IL19: variants seen among roughly 807,000 people sequenced by gnomAD.
IL19 encodes interleukin-19.
IL19 carries 15 observed loss-of-function variants against 19.5 expected under a neutral mutation model. That is an observed-to-expected ratio of 0.77 (90% confidence interval 0.52 to 1.19). IL19 has a LOEUF of 1.19. Among genes scored for constraint, IL19 ranks in the 50% most tolerant of loss-of-function variants. IL19 has a pLI of 0.00. For missense variants in IL19, 199 were observed against 213.1 expected, an observed-to-expected ratio of 0.93 and a Z score of 0.41; for synonymous variants, 78 against 78.3, an observed-to-expected ratio of 1.00 and a Z score of 0.02.
chr1:206,830,694 T>C lies in IL19; in HGVS notation c.-2-5967T>C, dbSNP rs1017976928. On this transcript the variant is annotated intron_variant, in intron 2 of 6. Coordinates refer to ENST00000659997, the MANE Select transcript of IL19 (RefSeq NM_153758.5). ...CCCGGGTTCATGCCATTCTCCCGCC[T>C]CTGCCTGCCGAGTAGCTGGAATTAC... Among the ~76,000 whole-genome samples, 7 of 152,270 alleles carry C rather than the reference T, an allele frequency of 4.6e-5. No individual in the cohort carries two copies. In the East Asian group the frequency reaches 1.3e-3, roughly 29 times the overall value.
Position 206,787,388 on chromosome 1 carries a change from C to A in IL19, c.-148-11473C>A, listed in dbSNP as rs541637667. Among the ~76,000 whole-genome samples the A allele has an allele frequency of 3.8e-4, 58 of 152,318 alleles. 1 individual carries two copies. The South Asian group carries it at 9.5e-3, about 25-fold the overall frequency. On this transcript the variant is annotated intron_variant, in intron 1 of 6. Coordinates refer to ENST00000659997, the MANE Select transcript of IL19 (RefSeq NM_153758.5). Reference sequence around the variant, plus strand: ...GCATGGATGCATGTGTGCACATATGCATATGTGTGGGTGTATTGTGTGTAT... The same window carrying A: ...GCATGGATGCATGTGTGCACATATGAATATGTGTGGGTGTATTGTGTGTAT...
At chr1:206,796,739 T>C (rs1675535420) in intron 1 of IL19, among the ~76,000 whole-genome samples, 1 of 152,250 alleles carries the variant, frequency 6.6e-6, no homozygotes, top group Non-Finnish European at 1.5e-5. Context: ...ATACACTCTA[T>C]GATGTTTGCA....
intron 6 of IL19, among the ~76,000 whole-genome samples, chr1:206,841,849 A>C (rs1377516034): frequency 6.6e-6 from 1 of 152,238 alleles, no homozygotes; most frequent in Non-Finnish European, 1.5e-5. Context: ...CATTATCTGC[A>C]TTGGATACAT....
chr1:206,803,757 C>T (rs560748392), intron 2 of IL19, among the ~76,000 whole-genome samples: 52 of 152,254 alleles, frequency 3.4e-4, no homozygotes, highest in African/African-American at 1.2e-3. Context: ...TAGTCCAGAG[C>T]CCTCTAATAA....
intron 2 of IL19, among the ~76,000 whole-genome samples, chr1:206,806,156 AT>A (rs1000725048): frequency 9.7e-4 from 147 of 152,306 alleles, no homozygotes; most frequent in African/African-American, 3.4e-3. Flanking sequence ...AATCTATGCA[AT>A]TGAGAAGCGT....
chr1:206,826,584 C>T (rs759700863), intron 2 of IL19, among the ~76,000 whole-genome samples: 2 of 152,218 alleles, frequency 1.3e-5, no homozygotes, highest in African/African-American at 4.8e-5. Flanking sequence ...AGCCTCCAGT[C>T]CACCCTCTCC....
intron 2 of IL19, chr1:206,833,957 C>T (rs1393815559): frequency 1.0e-6 from 1 of 985,450 alleles, no homozygotes; most frequent in African/African-American, 1.7e-5. Context: ...CCTGCAGAGC[C>T]TCATGGGCTG....
chr1:206,811,542 T>C (rs1292116174), intron 2 of IL19, among the ~76,000 whole-genome samples: 3 of 152,084 alleles, frequency 2.0e-5, no homozygotes, highest in Non-Finnish European at 4.4e-5. Flanking sequence ...AATCTCTTGA[T>C]TGAAGGTGGA....
chr1:206,799,044 C>T, intron 2 of IL19, 38 bp downstream of exon 2: 2 of 1,361,880 alleles, frequency 1.5e-6, no homozygotes, highest in Non-Finnish European at 2.1e-6. Flanking sequence ...GGATGTGGAG[C>T]CATTCTCTGG....
chr1:206,842,408 C>A, intron 6 of IL19, 119 bp from the exon 7 acceptor site: 1 of 621,752 alleles, frequency 1.6e-6, no homozygotes, highest in Non-Finnish European at 2.8e-6. Flanking sequence ...AAATATATTT[C>A]GTGACAAAAA....
intron 2 of IL19, among the ~76,000 whole-genome samples, chr1:206,819,032 C>T (rs1327768095): frequency 6.6e-6 from 1 of 151,398 alleles, no homozygotes; most frequent in Non-Finnish European, 1.5e-5. Context: ...AGGCTGGTCT[C>T]GAACTCCTGA....
intron 1 of IL19, among the ~76,000 whole-genome samples, chr1:206,788,337 T>C (rs1337204890): frequency 6.6e-6 from 1 of 152,222 alleles, no homozygotes; most frequent in Non-Finnish European, 1.5e-5. Context: ...CTATTGCTCT[T>C]TGATGTCTTA....
chr1:206,781,947 TTA>T (rs1675150893), intron 1 of IL19, among the ~76,000 whole-genome samples: 1 of 95,474 alleles, frequency 1.0e-5, no homozygotes, highest in Non-Finnish European at 2.1e-5. Flanking sequence ...ATGTATATAG[TTA>T]TATATACATA....
intron 1 of IL19, among the ~76,000 whole-genome samples, chr1:206,778,802 T>G (rs1675066905): frequency 6.6e-6 from 1 of 152,218 alleles, no homozygotes; most frequent in Non-Finnish European, 1.5e-5. Context: ...AGAAATGATT[T>G]GTTGGTCCCT....
chr1:206,814,185 G>A (rs564635893), intron 2 of IL19, among the ~76,000 whole-genome samples: 17 of 152,108 alleles, frequency 1.1e-4, no homozygotes, highest in African/African-American at 3.4e-4. Context: ...TTCAAGCAAT[G>A]CACAATTGGA....
In IL19 at chr1:206,816,947, G is replaced by A. The variant is rs368876243; in HGVS notation, c.-3+17941G>A. Among the ~76,000 whole-genome samples, 10 of 152,302 alleles carry A rather than the reference G, an allele frequency of 6.6e-5. No individual in the cohort carries two copies. In the East Asian group the frequency reaches 1.7e-3, roughly 26 times the overall value. On this transcript the variant is annotated intron_variant, in intron 2 of 6. Coordinates refer to ENST00000659997, the MANE Select transcript of IL19 (RefSeq NM_153758.5). ...CAGATAAGAAAAGAAACAACTTGCTGAAAAGCTGAAACTGAAACTGTGCAC... is the reference window on the plus strand; with the variant it reads ...CAGATAAGAAAAGAAACAACTTGCTAAAAAGCTGAAACTGAAACTGTGCAC...
At chr1:206,795,885 A>G (rs1675509204) in intron 1 of IL19, among the ~76,000 whole-genome samples, 1 of 151,310 alleles carries the variant, frequency 6.6e-6, no homozygotes, top group Non-Finnish European at 1.5e-5. Context: ...TCATTTTTGT[A>G]TGAGGATTTT....
rs142389178 is a variant in IL19 at position 206,798,409 on chromosome 1, C to T, written c.-148-452C>T. On this transcript the variant is annotated intron_variant, in intron 1 of 6. Transcript: ENST00000659997. ...TCAATTTGTATAGAAATGACAAGGA[C>T]AGAGCAAAGGAAAGTGGGATTTAAT... 1.6e-3 allele frequency among the ~76,000 whole-genome samples: 241 copies of T among 152,244 alleles called. 1 individual carries two copies. Among genetic ancestry groups the T allele is most frequent in the African/African-American group, 5.7e-3 (236 of 41,522 alleles).
At chr1:206,811,463 AAG>A (rs1676009358) in intron 2 of IL19, among the ~76,000 whole-genome samples, 1 of 134,170 alleles carries the variant, frequency 7.5e-6, no homozygotes, top group Non-Finnish European at 1.6e-5. Flanking sequence ...AAAAAAAAAA[AAG>A]TTTGGTGACC....
Sources: allele counts gnomAD v4.1 joint callset (sites outside exome capture counted in the v4.1 genomes callset), GRCh38; gene constraint gnomAD v4.1.1; transcripts MANE v1.5; gene names NCBI Gene and HGNC (gene_info 2026-07-23, HGNC 2026-07-21).